Variants in ZNF790 observed in about 807,000 individuals in gnomAD.
ZNF790 encodes the protein zinc finger protein 790.
Under a neutral mutation model 12.1 loss-of-function variants are expected in ZNF790, and 8 were observed. The ratio of observed to expected loss-of-function variants is 0.66; its 90% CI spans 0.39 to 1.19. The LOEUF (loss-of-function observed/expected upper bound fraction) is 1.19. Ranked by LOEUF, ZNF790 falls within the 50% of genes most tolerant of loss-of-function variation. ZNF790 has a pLI of 0.01. For synonymous variants in ZNF790, 252 were observed against 244.3 expected (o/e 1.03, Z -0.29); for missense variants, 707 against 752.2 (o/e 0.94, Z 0.70).
intron 1 of ZNF790, among the ~76,000 whole-genome samples, chr19:36,845,863 C>T (rs1456285817): frequency 1.3e-5 from 2 of 151,512 alleles, no homozygotes; most frequent in Non-Finnish European, 2.9e-5. Context: ...GGCTGGAGTG[C>T]AATGGCATGA....
At chr19:36,822,152 A>C (rs184509964) in intron 4 of ZNF790, among the ~76,000 whole-genome samples, 1 of 152,278 alleles carries the variant, frequency 6.6e-6, no homozygotes, top group African/African-American at 2.4e-5. Context: ...AAAATCCATA[A>C]ATGTTGGTTA....
intron 4 of ZNF790, among the ~76,000 whole-genome samples, chr19:36,821,182 C>T (rs903084440): frequency 5.9e-5 from 9 of 151,458 alleles, no homozygotes; most frequent in South Asian, 2.1e-4. Flanking sequence ...TATTTAGGAT[C>T]GAGTACAATT....
chr19:36,828,456 C>G (rs999064005), intron 1 of ZNF790, among the ~76,000 whole-genome samples: 1 of 150,978 alleles, frequency 6.6e-6, no homozygotes, highest in Admixed American at 6.6e-5. Flanking sequence ...AGAGCAAAAC[C>G]CCTTCTCAAA....
chr19:36,827,096 G>A (rs1254635490), intron 1 of ZNF790, among the ~76,000 whole-genome samples: 2 of 130,582 alleles, frequency 1.5e-5, no homozygotes, highest in African/African-American at 2.8e-5. Flanking sequence ...ATATATGTGT[G>A]TGTGTGTATA....
intron 1 of ZNF790, among the ~76,000 whole-genome samples, chr19:36,829,035 C>G (rs2071891173): frequency 6.6e-6 from 1 of 151,912 alleles, no homozygotes; most frequent in Non-Finnish European, 1.5e-5. Context: ...GGAATGATGT[C>G]AAAAGGAGGT....
In ZNF790 at chr19:36,823,761, A is replaced by C; in HGVS notation, c.39T>G (p.Asp13Glu). The change falls in exon 3 of 5, where the codon GAT becomes GAG. Residue 13 changes from aspartate (D) to glutamate (E), a missense_variant. Physicochemically the swap from Asp to Glu is conservative, Grantham distance 45 (BLOSUM62 2). Coordinates refer to ENST00000356725, the MANE Select transcript of ZNF790 (RefSeq NM_206894.4). The part of the protein sequence containing the change: ...HLMMFRDVAV[D>E]FSQEEWECLD... ...GGCACTCCCACTCCTCCTGAGAGAA[A>C]TCTACAGCCACATCCCTGAACATCA... 1 of 1,612,894 alleles carries C rather than the reference A, an allele frequency of 6.2e-7. No homozygotes were observed. Among genetic ancestry groups the C allele is most frequent in the Non-Finnish European group, 8.5e-7 (1 of 1,179,672 alleles).
rs531378925 is a variant in ZNF790 at position 36,828,924 on chromosome 19, A to G, written c.-73-3232T>C. Among the ~76,000 whole-genome samples the G allele has an allele frequency of 3.3e-5, 5 of 152,322 alleles. No homozygotes were observed. In the South Asian group the frequency reaches 1.0e-3, roughly 32 times the overall value. On this transcript the variant is annotated intron_variant, in intron 1 of 4. Transcript: ENST00000356725. Reference sequence around the variant, plus strand: ...GATGTGAAAAGAAAATGAAAGAACAATGTCTGTGGAAGCCACAGTGATGCT... The same window carrying G: ...GATGTGAAAAGAAAATGAAAGAACAGTGTCTGTGGAAGCCACAGTGATGCT...
At chr19:36,839,790 C>A (rs898655520), upstream of ZNF790, among the ~76,000 whole-genome samples, 2 of 151,818 alleles carry the variant, frequency 1.3e-5, no homozygotes, top group African/African-American at 4.8e-5. Context: ...CAGCTGGACG[C>A]GGTGGCTCAC....
upstream of ZNF790, among the ~76,000 whole-genome samples, chr19:36,842,681 A>C (rs1024362985): frequency 6.6e-5 from 10 of 151,668 alleles, no homozygotes; most frequent in African/African-American, 2.4e-4. Flanking sequence ...AAAAAAACAC[A>C]AAGCTTTTTA....
At chr19:36,840,766 T>C (rs2072123017), upstream of ZNF790, among the ~76,000 whole-genome samples, 1 of 152,196 alleles carries the variant, frequency 6.6e-6, no homozygotes, top group African/African-American at 2.4e-5. Flanking sequence ...TTCTGCTCAC[T>C]ACTGTCCTAA....
intron 1 of ZNF790, among the ~76,000 whole-genome samples, chr19:36,834,584 T>G (rs1394023193): frequency 6.6e-6 from 1 of 152,222 alleles, no homozygotes; most frequent in Non-Finnish European, 1.5e-5. Flanking sequence ...AGAAGATGGA[T>G]CAATTGGAAC....
chr19:36,838,559 C>T (rs1201505868), upstream of ZNF790, among the ~76,000 whole-genome samples: 2 of 152,222 alleles, frequency 1.3e-5, no homozygotes, highest in African/African-American at 4.8e-5. This position sits in a 1 kb window ranked among gnomAD's most constrained non-coding sequence, Gnocchi z 4.4. Flanking sequence ...CCACACACCG[C>T]TCACATCTGC....
Position 36,818,704 on chromosome 19 carries a change from G to T in ZNF790, c.1640C>A (p.Ser547Ter). ...KECGKSFIWG[S>*]QLTRHKKIHT... The stretch of plus-strand genomic sequence containing the variant: ...AATTTTCTTATGTCGTGTAAGCTGT[G>T]AACCCCAGATAAAAGATTTCCCACA... Residue 547 changes from serine to a stop codon, truncating the protein, a stop_gained, in exon 5 of 5, where the codon TCA (serine) becomes TAA (stop). Coordinates refer to ENST00000356725, the MANE Select transcript of ZNF790 (RefSeq NM_206894.4). LOFTEE classifies it low-confidence loss of function (END_TRUNC). The T allele has an allele frequency of 6.2e-7, 1 of 1,613,578 alleles. No individual in the cohort carries two copies. The highest frequency in any genetic ancestry group is 8.5e-7 in the Non-Finnish European group (1 of 1,179,880).
intron 1 of ZNF790, among the ~76,000 whole-genome samples, chr19:36,831,966 A>C (rs969684672): frequency 1.6e-4 from 25 of 152,234 alleles, no homozygotes; most frequent in African/African-American, 6.0e-4. Flanking sequence ...AATTGTCATC[A>C]GACTTCTGCA....
In ZNF790 at chr19:36,820,125, A is replaced by T. The variant is rs1447406049; in HGVS notation, c.230-11T>A. The T allele has an allele frequency of 3.1e-6, 5 of 1,594,542 alleles. No homozygotes were observed. The highest frequency in any genetic ancestry group is 4.3e-6 in the Non-Finnish European group (5 of 1,175,974). On this transcript the variant is annotated splice_polypyrimidine_tract_variant and intron_variant, in intron 4 of 4. Transcript: ENST00000356725. ...ACCTCGACTGCATGTCTGAAAAATA[A>T]GAAGGTAAAAACATCATACGGTTGT...
rs145605842 is a variant in ZNF790, at chr19:36,821,314, T to C, written c.230-1200A>G. Among the ~76,000 whole-genome samples, 47 of 152,270 alleles carry C rather than the reference T, an allele frequency of 3.1e-4. 1 individual carries two copies. In the East Asian group the frequency reaches 8.9e-3, roughly 29 times the overall value. ...AATGGAAAGATGACAAACTGCAGTT[T>C]CAGACTCTAGTTCTGTTTACTAAAA... On this transcript the variant is annotated intron_variant, in intron 4 of 4. Transcript: ENST00000356725.
Position 36,825,697 on chromosome 19 carries a change from A to T in ZNF790, c.-73-5T>A. On this transcript the variant is annotated splice_region_variant and splice_polypyrimidine_tract_variant and intron_variant, in intron 1 of 4. Transcript: ENST00000356725. ...CAGCGTGCTGGGAAAGCAGAGCTAG[A>T]AGGAAAGAATCACAAGGTCAGGCCT... The T allele has an allele frequency of 6.6e-7, 1 of 1,511,148 alleles. No homozygotes were observed. 93.6% of individuals were successfully genotyped at this position (1,511,148 alleles called of 1,614,324 possible).
intron 4 of ZNF790, among the ~76,000 whole-genome samples, chr19:36,821,407 GA>G (rs1302904842): frequency 1.3e-5 from 2 of 151,974 alleles, no homozygotes; most frequent in Non-Finnish European, 2.9e-5. Flanking sequence ...TTATAAAAAG[GA>G]ATAAAACATC....
chr19:36,843,865 G>A (rs1277095322), intron 1 of ZNF790, among the ~76,000 whole-genome samples: 4 of 151,632 alleles, frequency 2.6e-5, no homozygotes, highest in East Asian at 1.9e-4. Context: ...AAAATTAGCC[G>A]GGCATGGTGG....
Sources: allele counts gnomAD v4.1 joint callset (sites outside exome capture counted in the v4.1 genomes callset), GRCh38; gene constraint gnomAD v4.1.1; non-coding constraint Gnocchi (gnomAD v3.1); transcripts MANE v1.5; gene names NCBI Gene and HGNC (gene_info 2026-07-23, HGNC 2026-07-21).